Variants in COL11A2 observed in about 807,000 individuals in gnomAD.
COL11A2 encodes collagen alpha-2(XI) chain.
A neutral mutation model predicts 273.4 loss-of-function variants in COL11A2; 116 were observed. The ratio of observed to expected loss-of-function variants is 0.42; its 90% CI spans 0.36 to 0.49. COL11A2 has a LOEUF of 0.49. Among genes scored for constraint, COL11A2 ranks in the 20% least tolerant of loss-of-function variants. The pLI, the probability that COL11A2 is intolerant of heterozygous loss-of-function variation, is 0.00. For missense variants in COL11A2, 1,866 were observed against 2,309.0 expected (o/e 0.81, Z 3.93); for synonymous variants, 782 against 864.2 (o/e 0.90, Z 1.67).
In COL11A2 at chr6:33,167,191, C is replaced by T. The variant is rs1479903332; in HGVS notation, c.4177-68G>A. 6.2e-7 allele frequency: 1 copy of T among 1,613,742 alleles called. No individual in the cohort carries two copies. The highest frequency in any genetic ancestry group is 8.5e-7 in the Non-Finnish European group (1 of 1,179,744). On this transcript the variant is annotated intron_variant, in intron 57 of 65. Transcript: ENST00000341947. This position sits in a 1 kb window ranked among gnomAD's most constrained non-coding sequence, Gnocchi z 6.1. Reference sequence around the variant, plus strand: ...ACCAAGTTCTCCCCAACAGCCTCCACTTCCTCCAGGGCTTCAGCTCTGTCC... The same window carrying T: ...ACCAAGTTCTCCCCAACAGCCTCCATTTCCTCCAGGGCTTCAGCTCTGTCC...
rs149047781 is a variant in COL11A2 at position 33,170,153 on chromosome 6, A to T, written c.3583-53T>A. Reference sequence around the variant, plus strand: ...TTGCTTAGGATGGAGGTGCCATTTCAGGGGCAAAGTCCCAGATGAGCAGCC... The same window carrying T: ...TTGCTTAGGATGGAGGTGCCATTTCTGGGGCAAAGTCCCAGATGAGCAGCC... On this transcript the variant is annotated intron_variant, in intron 48 of 65. Coordinates refer to ENST00000341947, the MANE Select transcript of COL11A2 (RefSeq NM_080680.3). This position sits in a 1 kb window ranked among gnomAD's most constrained non-coding sequence, Gnocchi z 4.3. 1.2e-6 allele frequency: 2 copies of T among 1,610,858 alleles called. No homozygotes were observed. Among genetic ancestry groups the T allele is most frequent in the African/African-American group, 2.7e-5 (2 of 74,992 alleles).
chr6:33,182,303 G>A (rs1478091380), intron 8 of COL11A2, among the ~76,000 whole-genome samples: 1 of 152,186 alleles, frequency 6.6e-6, no homozygotes, highest in South Asian at 2.1e-4. Flanking sequence ...GATGAAAGCT[G>A]TGAGTCTTTC....
chr6:33,173,376 G>A lies in COL11A2; in HGVS notation c.2708C>T (p.Pro903Leu), dbSNP rs567206091. Residue 903 changes from proline to leucine, a missense_variant, in exon 37 of 66, where the codon CCG becomes CTG. Transcript: ENST00000341947. This position sits in a 1 kb window ranked among gnomAD's most constrained non-coding sequence, Gnocchi z 6.3. The part of the protein sequence containing the change: ...PPGPPGKDGL[P>L]GHPGQRGEVG... Reference sequence around the variant, plus strand: ...TTCTCCTCTTTGGCCTGGGTGTCCCGGCAGCCCATCCTTCCCAGGGGGGCC... The same window carrying A: ...TTCTCCTCTTTGGCCTGGGTGTCCCAGCAGCCCATCCTTCCCAGGGGGGCC... The A allele has an allele frequency of 1.4e-5, 23 of 1,612,652 alleles. No individual in the cohort carries two copies. The highest frequency in any genetic ancestry group is 1.1e-4 in the East Asian group (5 of 44,852).
intron 11 of COL11A2, 36 bp downstream of exon 11, chr6:33,180,632 C>T (rs772474783): frequency 2.2e-5 from 34 of 1,568,438 alleles, no homozygotes; most frequent in Non-Finnish European, 2.5e-5. Flanking sequence ...CTAGCTCCCC[C>T]GAAGCTCCCC....
In COL11A2 at chr6:33,163,841, A is replaced by G; in HGVS notation, c.5071-23T>C. The G allele has an allele frequency of 6.2e-7, 1 of 1,612,772 alleles. No individual in the cohort carries two copies. The highest frequency in any genetic ancestry group is 8.5e-7 in the Non-Finnish European group (1 of 1,179,876). On this transcript the variant is annotated intron_variant, in intron 65 of 65. Coordinates refer to ENST00000341947, the MANE Select transcript of COL11A2 (RefSeq NM_080680.3). This position sits in a 1 kb window ranked among gnomAD's most constrained non-coding sequence, Gnocchi z 4.1. Reference sequence around the variant, plus strand: ...TGTCTTCAGGGGGAGACAAGGAAGAAAGTGTGAGCAGGATGGAGGCACCCC... The same window carrying G: ...TGTCTTCAGGGGGAGACAAGGAAGAGAGTGTGAGCAGGATGGAGGCACCCC...
At chr6:33,174,725 C>A in intron 30 of COL11A2, 145 bp from the exon 31 acceptor site, 1 of 773,296 alleles carries the variant, frequency 1.3e-6, no homozygotes, top group Non-Finnish European at 2.2e-6. Context: ...TCATTGCTTG[C>A]CCCACAGCTG....
chr6:33,176,782 GA>G lies in COL11A2; in HGVS notation c.2071-18del, dbSNP rs1770967594. 1.9e-6 allele frequency: 3 copies of G among 1,611,708 alleles called. No individual in the cohort carries two copies. Among genetic ancestry groups the G allele is most frequent in the Non-Finnish European group, 2.5e-6 (3 of 1,179,284 alleles). The stretch of plus-strand genomic sequence containing the variant: ...TGGGTGACCCTGGGAGTAAGGGATA[GA>G]AAATGTGACCAGTGGCCCCTGTCAC... On this transcript the variant is annotated intron_variant, in intron 25 of 65. Coordinates refer to ENST00000341947, the MANE Select transcript of COL11A2 (RefSeq NM_080680.3). The surrounding 1 kb of genome is among the most constrained non-coding windows in gnomAD (Gnocchi z 4.9).
intron 7 of COL11A2, among the ~76,000 whole-genome samples, 181 bp downstream of exon 7, chr6:33,184,811 C>G (rs1339614634): frequency 6.6e-6 from 1 of 152,138 alleles, no homozygotes; most frequent in Non-Finnish European, 1.5e-5. Flanking sequence ...ACGGGCTGGA[C>G]TTAGAGAGTC....
In COL11A2 at chr6:33,168,697, G is replaced by C; in HGVS notation, c.3906+9C>G. The C allele has an allele frequency of 6.3e-7, 1 of 1,589,930 alleles. No individual in the cohort carries two copies. Among genetic ancestry groups the C allele is most frequent in the Non-Finnish European group, 8.6e-7 (1 of 1,167,732 alleles). On this transcript the variant is annotated intron_variant, in intron 53 of 65. Transcript: ENST00000341947. The stretch of plus-strand genomic sequence containing the variant: ...GCTCAGGGGGGTGGTGGGGTCACCA[G>C]GCACTCACAGGCTGTCCTGGCTCAC...
chr6:33,166,689 C>T lies in COL11A2; in HGVS notation c.4338+31G>A. 1.9e-6 allele frequency: 3 copies of T among 1,613,726 alleles called. No individual in the cohort carries two copies. The highest frequency in any genetic ancestry group is 2.5e-6 in the Non-Finnish European group (3 of 1,179,794). ...CCCTCTCCACCCCACTCTCAACCCC[C>T]ACAACTTCCGGGACCATGCCCTCTA... On this transcript the variant is annotated intron_variant, in intron 59 of 65. Transcript: ENST00000341947. The surrounding 1 kb of genome is among the most constrained non-coding windows in gnomAD (Gnocchi z 4.8).
At position 33,164,643 on chromosome 6, in the gene COL11A2, G is replaced by A. The variant is rs977697542; in HGVS notation, c.4864-170C>T. On this transcript the variant is annotated intron_variant, in intron 64 of 65. Transcript: ENST00000341947. This position sits in a 1 kb window ranked among gnomAD's most constrained non-coding sequence, Gnocchi z 4.7. ...GGGAAAGAAGTGAGGGGCTGAGTGGGAGCCAGGAGACTGGGGGTACACGAA... is the reference window on the plus strand; with the variant it reads ...GGGAAAGAAGTGAGGGGCTGAGTGGAAGCCAGGAGACTGGGGGTACACGAA... 3.9e-5 allele frequency among the ~76,000 whole-genome samples: 6 copies of A among 152,152 alleles called. No individual in the cohort carries two copies. Among genetic ancestry groups the A allele is most frequent in the Non-Finnish European group, 8.8e-5 (6 of 68,020 alleles).
intron 7 of COL11A2, 74 bp from the exon 8 acceptor site, chr6:33,184,398 G>A: frequency 1.8e-6 from 2 of 1,122,108 alleles, no homozygotes. Context: ...TGGACCCCAG[G>A]GTGTGACAAC....
chr6:33,164,972 G>T lies in COL11A2; in HGVS notation c.4751-8C>A, dbSNP rs1326067677. 6 of 1,564,408 alleles carry T rather than the reference G, an allele frequency of 3.8e-6. No homozygotes were observed. The highest frequency in any genetic ancestry group is 5.2e-6 in the Non-Finnish European group (6 of 1,153,204). On this transcript the variant is annotated splice_polypyrimidine_tract_variant and splice_region_variant and intron_variant, in intron 63 of 65. Coordinates refer to ENST00000341947, the MANE Select transcript of COL11A2 (RefSeq NM_080680.3). The surrounding 1 kb of genome is among the most constrained non-coding windows in gnomAD (Gnocchi z 4.7). ...GGTCGACCCAGTACTCTCCTGTTGG[G>T]TGAGGGAGAGGGGAGGTCAGGGCCA...
At position 33,174,229 on chromosome 6, in the gene COL11A2, C is replaced by T. The variant is rs368695514; in HGVS notation, c.2431-11G>A. Reference sequence around the variant, plus strand: ...AAATCCTAGGGACCCCTGGTGAGAACGGAGAAGGGGGGAAATTGAGAAGTT... The same window carrying T: ...AAATCCTAGGGACCCCTGGTGAGAATGGAGAAGGGGGGAAATTGAGAAGTT... On this transcript the variant is annotated splice_polypyrimidine_tract_variant and intron_variant, in intron 31 of 65. Coordinates refer to ENST00000341947, the MANE Select transcript of COL11A2 (RefSeq NM_080680.3). The T allele has an allele frequency of 1.8e-4, 285 of 1,554,140 alleles. No individual in the cohort carries two copies. The highest frequency in any genetic ancestry group is 8.3e-4 in the African/African-American group (58 of 69,650).
Position 33,169,668 on chromosome 6 carries a change from G to T in COL11A2, c.3690+163C>A, listed in dbSNP as rs1769750955. 3.3e-5 allele frequency among the ~76,000 whole-genome samples: 5 copies of T among 152,192 alleles called. No homozygotes were observed. In the South Asian group the frequency reaches 8.3e-4, roughly 25 times the overall value. ...TCCCCTTCCCTTCAAGAAAGGGGAA[G>T]AAGGGCTCACTCAGACCAGGGATCA... On this transcript the variant is annotated intron_variant, in intron 50 of 65. Coordinates refer to ENST00000341947, the MANE Select transcript of COL11A2 (RefSeq NM_080680.3). The surrounding 1 kb of genome is among the most constrained non-coding windows in gnomAD (Gnocchi z 5.5).
intron 52 of COL11A2, 21 bp from the exon 53 acceptor site, chr6:33,168,780 C>T (rs772164784): frequency 3.1e-6 from 5 of 1,597,624 alleles, no homozygotes; most frequent in Non-Finnish European, 3.4e-6. Context: ...GAAGCAAGGT[C>T]AGAGGTGGGC....
chr6:33,165,993 G>C lies in COL11A2; in HGVS notation c.4429-9C>G, dbSNP rs375337409. On this transcript the variant is annotated splice_polypyrimidine_tract_variant and intron_variant, in intron 61 of 65. Transcript: ENST00000341947. The surrounding 1 kb of genome is among the most constrained non-coding windows in gnomAD (Gnocchi z 7.7). ...TTGGGTCCGCCTGGGCCCTGACAAG[G>C]AATAAATCAGGTCATGGAGGGGTCA... is the stretch of plus-strand genomic sequence containing the variant. The C allele has an allele frequency of 9.3e-6, 15 of 1,613,904 alleles. No homozygotes were observed. The African/African-American group carries it at 1.9e-4, about 20-fold the overall frequency.
rs1406152372 is a variant in COL11A2, at chr6:33,163,333, ATAAT to A, written c.*341_*344del. 1.7e-5 allele frequency: 6 copies of A among 346,374 alleles called. No homozygotes were observed. The highest frequency in any genetic ancestry group is 2.6e-5 in the Non-Finnish European group (5 of 190,416). 21.5% of individuals were successfully genotyped at this position (346,374 alleles called of 1,614,324 possible). ...TGTTATTTTGCTTTCCACACTTTAA[ATAAT>A]TAATACAATTACTTTTAAATACAAA... On this transcript the variant is annotated 3_prime_UTR_variant, in exon 66 of 66. Coordinates refer to ENST00000341947, the MANE Select transcript of COL11A2 (RefSeq NM_080680.3). This position sits in a 1 kb window ranked among gnomAD's most constrained non-coding sequence, Gnocchi z 4.1.
At position 33,166,594 on chromosome 6, in the gene COL11A2, G is replaced by T; in HGVS notation, c.4339-28C>A. 6.2e-7 allele frequency: 1 copy of T among 1,613,396 alleles called. No individual in the cohort carries two copies. The highest frequency in any genetic ancestry group is 2.2e-5 in the East Asian group (1 of 44,848). On this transcript the variant is annotated intron_variant, in intron 59 of 65. Coordinates refer to ENST00000341947, the MANE Select transcript of COL11A2 (RefSeq NM_080680.3). The surrounding 1 kb of genome is among the most constrained non-coding windows in gnomAD (Gnocchi z 4.8). ...AGGAAGGGTAGTGGCTGGTTCAACT[G>T]GGTCCTCCTCCCACACCCTCCTGAG...
Sources: gnomAD v4.1 joint callset for allele counts (sites outside exome capture counted in the v4.1 genomes callset) on GRCh38, gnomAD v4.1.1 for gene constraint, Gnocchi (gnomAD v3.1) non-coding constraint, MANE v1.5 for transcripts, NCBI Gene and HGNC (gene_info 2026-07-23, HGNC 2026-07-21) for gene names.